The following GMDS variants were observed in gnomAD, a reference collection of about 807,000 sequenced individuals.
The protein encoded by GMDS is GDP-mannose 4,6 dehydratase.
GMDS carries 20 observed loss-of-function variants against 49.9 expected under a neutral mutation model. The ratio of observed to expected loss-of-function variants is 0.40; its 90% CI spans 0.28 to 0.58. The LOEUF is 0.58. Among genes scored for constraint, GMDS ranks in the 20% least tolerant of loss-of-function variants. The pLI, the probability that GMDS is intolerant of heterozygous loss-of-function variation, is 0.42. For missense variants in GMDS, 362 were observed against 481.4 expected, an observed-to-expected ratio of 0.75 and a Z score of 2.32; for synonymous variants, 177 against 178.6, an observed-to-expected ratio of 0.99 and a Z score of 0.07.
chr6:1,837,636 A>G (rs1756983092), intron 7 of GMDS, among the ~76,000 whole-genome samples: 1 of 152,192 alleles, frequency 6.6e-6, no homozygotes, highest in African/African-American at 2.4e-5. Flanking sequence ...AGACTCTCTC[A>G]AGAACTTCGA....
chr6:2,131,623 T>C (rs1775742581), intron 1 of GMDS, among the ~76,000 whole-genome samples: 1 of 152,184 alleles, frequency 6.6e-6, no homozygotes, highest in Non-Finnish European at 1.5e-5. Context: ...ACGAAGGATT[T>C]ATAGGGACAG....
chr6:2,223,020 T>TC (rs1351354785), intron 1 of GMDS, among the ~76,000 whole-genome samples: 1 of 152,074 alleles, frequency 6.6e-6, no homozygotes, highest in African/African-American at 2.4e-5. Context: ...ATCAACTCTT[T>TC]CCTGTGTCTC....
chr6:2,147,515 T>C (rs1190324480), intron 1 of GMDS, among the ~76,000 whole-genome samples: 1 of 152,066 alleles, frequency 6.6e-6, no homozygotes, highest in Non-Finnish European at 1.5e-5. Flanking sequence ...GACCTAGACA[T>C]CGGACTCCTA....
At chr6:1,724,566 A>T (rs1175234496) in intron 9 of GMDS, among the ~76,000 whole-genome samples, 1 of 152,012 alleles carries the variant, frequency 6.6e-6, no homozygotes, top group Non-Finnish European at 1.5e-5. Context: ...AGTTGTAAAA[A>T]TTGAGGTTTC....
At chr6:1,878,239 T>C (rs971118261) in intron 7 of GMDS, among the ~76,000 whole-genome samples, 28 of 132,654 alleles carry the variant, frequency 2.1e-4, no homozygotes, top group Admixed American at 6.5e-4. Context: ...GGCATGAACC[T>C]GGGAGGCGGA....
intron 7 of GMDS, among the ~76,000 whole-genome samples, chr6:1,876,225 T>A (rs1300886595): frequency 6.6e-6 from 1 of 150,564 alleles, no homozygotes; most frequent in Non-Finnish European, 1.5e-5. Flanking sequence ...ACCACTGCAC[T>A]CCAACCTGGG....
chr6:2,036,136 T>C (rs1769294042), intron 4 of GMDS, among the ~76,000 whole-genome samples: 1 of 152,178 alleles, frequency 6.6e-6, no homozygotes, highest in Non-Finnish European at 1.5e-5. Flanking sequence ...TGTAAGAATT[T>C]GTGTGCCTAA....
chr6:1,654,829 G>A (rs906413909), intron 9 of GMDS, among the ~76,000 whole-genome samples: 13 of 152,096 alleles, frequency 8.5e-5, no homozygotes, highest in Non-Finnish European at 1.8e-4. Context: ...TTGGGAGCTC[G>A]AGGTGGGCGG....
At chr6:1,811,886 T>C (rs1770445286) in intron 7 of GMDS, among the ~76,000 whole-genome samples, 1 of 152,212 alleles carries the variant, frequency 6.6e-6, no homozygotes, top group South Asian at 2.1e-4. Context: ...AGTACCTAAT[T>C]TTAAAAAGCT....
intron 1 of GMDS, among the ~76,000 whole-genome samples, chr6:2,171,856 T>A (rs1778022782): frequency 6.6e-6 from 1 of 151,800 alleles, no homozygotes; most frequent in African/African-American, 2.4e-5. Flanking sequence ...TGTAAGGAGA[T>A]GAACAAAATA....
chr6:1,994,401 A>G (rs966031896), intron 4 of GMDS, among the ~76,000 whole-genome samples: 2 of 152,144 alleles, frequency 1.3e-5, no homozygotes, highest in African/African-American at 4.8e-5. Flanking sequence ...GAGGGAAATG[A>G]TATGCTATAT....
chr6:1,999,051 C>T (rs757661126), intron 4 of GMDS, among the ~76,000 whole-genome samples: 13 of 151,950 alleles, frequency 8.6e-5, no homozygotes, highest in South Asian at 2.1e-4. Context: ...AGGCCAGGTG[C>T]GGTGGCTCAC....
intron 6 of GMDS, among the ~76,000 whole-genome samples, chr6:1,942,545 C>T (rs551089749): frequency 6.6e-6 from 1 of 152,324 alleles, no homozygotes; most frequent in East Asian, 1.9e-4. Flanking sequence ...CTACCCCAGG[C>T]CATTCCAGAT....
intron 4 of GMDS, among the ~76,000 whole-genome samples, chr6:2,083,502 A>C (rs931291615): frequency 1.3e-5 from 2 of 152,248 alleles, no homozygotes; most frequent in Non-Finnish European, 1.5e-5. Context: ...ACAACCACTT[A>C]AGAAGGAAAA....
intron 7 of GMDS, among the ~76,000 whole-genome samples, chr6:1,878,657 A>G (rs1229443555): frequency 6.6e-6 from 1 of 152,252 alleles, no homozygotes; most frequent in Non-Finnish European, 1.5e-5. Context: ...TTAATACCTG[A>G]CAGCAATTAT....
At chr6:1,923,927 G>C (rs959929527) in intron 7 of GMDS, among the ~76,000 whole-genome samples, 2 of 152,180 alleles carry the variant, frequency 1.3e-5, no homozygotes, top group African/African-American at 4.8e-5. Flanking sequence ...CCTTCCAGAG[G>C]CTCCTCACCT....
At chr6:2,069,655 A>T (rs974733143) in intron 4 of GMDS, among the ~76,000 whole-genome samples, 4 of 152,248 alleles carry the variant, frequency 2.6e-5, no homozygotes, top group African/African-American at 7.2e-5. Context: ...CAGCCAAAAA[A>T]CACATGAAGA....
At chr6:1,774,448 C>T (rs1375839282) in intron 7 of GMDS, among the ~76,000 whole-genome samples, 1 of 152,222 alleles carries the variant, frequency 6.6e-6, no homozygotes, top group Non-Finnish European at 1.5e-5. Flanking sequence ...AGGGTCATTC[C>T]TTCACAGCTG....
intron 7 of GMDS, among the ~76,000 whole-genome samples, chr6:1,770,867 A>C (rs937948358): frequency 3.9e-5 from 6 of 152,352 alleles, no homozygotes; most frequent in Admixed American, 1.3e-4. Context: ...ATAAGAAAGA[A>C]AACTGCCAAG....
Sources: gnomAD v4.1 joint callset for allele counts (sites outside exome capture counted in the v4.1 genomes callset) on GRCh38, gnomAD v4.1.1 for gene constraint, MANE v1.5 for transcripts, NCBI Gene and HGNC (gene_info 2026-07-23, HGNC 2026-07-21) for gene names.